Variants in WWOX observed in about 807,000 individuals in gnomAD.
WWOX encodes WW domain containing oxidoreductase.
Under a neutral mutation model 46.2 loss-of-function variants are expected in WWOX, and 69 were observed. The observed-to-expected ratio is 1.49, with a 90% CI of 1.23 to 1.82. The LOEUF is 1.82. Ranked by LOEUF, WWOX falls within the 40% of genes most tolerant of loss-of-function variation. The pLI is 0.00. For synonymous variants in WWOX, 359 were observed against 202.6 expected, an observed-to-expected ratio of 1.77 and a Z score of -6.56; for missense variants, 919 against 542.6, an observed-to-expected ratio of 1.69 and a Z score of -6.89.
At chr16:78,335,948 C>T (rs188441043) in intron 5 of WWOX, among the ~76,000 whole-genome samples, 67 of 152,048 alleles carry the variant, frequency 4.4e-4, no homozygotes, top group Middle Eastern at 3.4e-3. Context: ...AAAAATTTGC[C>T]GGGTGTAGTG....
chr16:78,610,021 G>A (rs909548616), intron 8 of WWOX, among the ~76,000 whole-genome samples: 7 of 143,276 alleles, frequency 4.9e-5, no homozygotes, highest in Non-Finnish European at 1.5e-5. Context: ...GCAGAAGGTA[G>A]CTCTGCGAAT....
Position 78,877,987 on chromosome 16 carries a change from G to T in WWOX, c.1057-333621G>T, listed in dbSNP as rs2044267746. On this transcript the variant is annotated intron_variant, in intron 8 of 8. Coordinates refer to ENST00000566780, the MANE Select transcript of WWOX (RefSeq NM_016373.4). ...CTCTTGTGCCTTTTACAGGTCAGAT[G>T]ATTTTGTTTTTATAGGCTCTAGCAG... Among the ~76,000 whole-genome samples the T allele has an allele frequency of 3.3e-5, 5 of 152,306 alleles. No individual in the cohort carries two copies. The South Asian group carries it at 1.0e-3, about 32-fold the overall frequency.
intron 4 of WWOX, among the ~76,000 whole-genome samples, chr16:78,144,509 A>G (rs1401708236): frequency 2.6e-5 from 1 of 37,822 alleles, no homozygotes; most frequent in Admixed American, 4.0e-4. Context: ...ACATATATAT[A>G]TATATATATA....
At chr16:79,037,477 G>C (rs1326425250) in intron 8 of WWOX, among the ~76,000 whole-genome samples, 3 of 152,104 alleles carry the variant, frequency 2.0e-5, no homozygotes, top group Admixed American at 2.0e-4. Flanking sequence ...TCTGTGGAAA[G>C]GAAGTTGTCA....
intron 8 of WWOX, among the ~76,000 whole-genome samples, chr16:79,011,851 A>G (rs1439464936): frequency 6.6e-6 from 1 of 151,876 alleles, no homozygotes; most frequent in Non-Finnish European, 1.5e-5. Flanking sequence ...ATGGGGTCTC[A>G]CTATGTTCTT....
At chr16:78,190,067 C>G (rs866471629) in intron 5 of WWOX, among the ~76,000 whole-genome samples, 1 of 152,184 alleles carries the variant, frequency 6.6e-6, no homozygotes, top group Non-Finnish European at 1.5e-5. Context: ...ATAGCTCCAT[C>G]TTAGGAACTA....
At chr16:78,308,707 T>G (rs776693771) in intron 5 of WWOX, among the ~76,000 whole-genome samples, 1 of 152,182 alleles carries the variant, frequency 6.6e-6, no homozygotes, top group Non-Finnish European at 1.5e-5. Flanking sequence ...TGATAAGAGA[T>G]ATTTACCATT....
chr16:78,160,915 T>C (rs745628053), intron 4 of WWOX, among the ~76,000 whole-genome samples: 2 of 152,212 alleles, frequency 1.3e-5, no homozygotes, highest in Non-Finnish European at 2.9e-5. Context: ...GTCTATTTAT[T>C]GTCCTAATTC....
chr16:78,457,511 T>C (rs1056618343), intron 8 of WWOX, among the ~76,000 whole-genome samples: 28 of 152,152 alleles, frequency 1.8e-4, no homozygotes, highest in African/African-American at 6.3e-4. Context: ...CATTCACCAA[T>C]CTTTTTTTTC....
At chr16:78,914,568 T>C (rs2045197405) in intron 8 of WWOX, among the ~76,000 whole-genome samples, 1 of 151,862 alleles carries the variant, frequency 6.6e-6, no homozygotes, top group Admixed American at 6.6e-5. Context: ...TCAAGAACTT[T>C]TAGGCACTGT....
chr16:79,062,340 G>A (rs1484555175), intron 8 of WWOX, among the ~76,000 whole-genome samples: 4 of 152,218 alleles, frequency 2.6e-5, no homozygotes, highest in African/African-American at 9.6e-5. Flanking sequence ...CAGTTGGATG[G>A]AGAAAAGGTA....
At chr16:79,026,457 C>T (rs1042660373) in intron 8 of WWOX, among the ~76,000 whole-genome samples, 1 of 151,636 alleles carries the variant, frequency 6.6e-6, no homozygotes, top group Non-Finnish European at 1.5e-5. Flanking sequence ...CCTTCCTTCT[C>T]ACATCAGCTT....
At chr16:78,384,076 C>T (rs113671702) in intron 5 of WWOX, among the ~76,000 whole-genome samples, 2 of 152,110 alleles carry the variant, frequency 1.3e-5, no homozygotes, top group African/African-American at 2.4e-5. Flanking sequence ...GCTTTGGGGT[C>T]GCCATCTGGG....
intron 5 of WWOX, among the ~76,000 whole-genome samples, chr16:78,336,923 C>T (rs1245708486): frequency 2.6e-5 from 4 of 152,018 alleles, no homozygotes; most frequent in Admixed American, 6.6e-5. Context: ...GGATTACAGG[C>T]GCCCGCCACC....
At chr16:78,700,498 T>A (rs199774500) in intron 8 of WWOX, among the ~76,000 whole-genome samples, 1 of 152,160 alleles carries the variant, frequency 6.6e-6, no homozygotes, top group Non-Finnish European at 1.5e-5. Context: ...GAGGAACATA[T>A]TCAGTCCATA....
At chr16:78,976,424 G>A (rs566466496) in intron 8 of WWOX, among the ~76,000 whole-genome samples, 40 of 152,326 alleles carry the variant, frequency 2.6e-4, no homozygotes, top group Non-Finnish European at 4.4e-4. Flanking sequence ...TGTGATGTGC[G>A]TGGGCCTGTG....
At chr16:78,155,154 TAGGA>T (rs1053298472) in intron 4 of WWOX, among the ~76,000 whole-genome samples, 3 of 150,278 alleles carry the variant, frequency 2.0e-5, no homozygotes, top group African/African-American at 4.9e-5. Flanking sequence ...TAATTCAAAT[TAGGA>T]AGGAAGGAAG....
In WWOX at chr16:78,992,130, G is replaced by A. The variant is rs554995084; in HGVS notation, c.1057-219478G>A. The stretch of plus-strand genomic sequence containing the variant: ...CTAAAGATGTAGCAATGAGTGAAAG[G>A]TAATCCTGTCCTTGAGGCATTCACA... On this transcript the variant is annotated intron_variant, in intron 8 of 8. Transcript: ENST00000566780. 3.3e-5 allele frequency among the ~76,000 whole-genome samples: 5 copies of A among 152,276 alleles called. No homozygotes were observed. In the South Asian group the frequency reaches 1.0e-3, roughly 32 times the overall value.
intron 5 of WWOX, among the ~76,000 whole-genome samples, chr16:78,308,585 A>G (rs2080177212): frequency 6.6e-6 from 1 of 152,210 alleles, no homozygotes; most frequent in South Asian, 2.1e-4. Flanking sequence ...ATATTTCGAA[A>G]TGGCCCTGCA....
Sources: allele counts gnomAD v4.1 joint callset (sites outside exome capture counted in the v4.1 genomes callset), GRCh38; gene constraint gnomAD v4.1.1; transcripts MANE v1.5; gene names NCBI Gene and HGNC (gene_info 2026-07-23, HGNC 2026-07-21).